Variants in PRR36 observed in about 807,000 individuals in gnomAD.
PRR36 encodes the protein proline-rich protein 36.
In PRR36, 30 loss-of-function variants were observed where a neutral mutation model predicts 58.6. The ratio of observed to expected loss-of-function variants is 0.51; its 90% confidence interval spans 0.38 to 0.69. PRR36 has a LOEUF of 0.69. PRR36 is among the 30% of genes least tolerant of loss of function. The pLI is 0.00. For missense variants in PRR36, 1,692 were observed against 1,805.6 expected, an observed-to-expected ratio of 0.94 and a Z score of 1.14; for synonymous variants, 771 against 829.3, an observed-to-expected ratio of 0.93 and a Z score of 1.21.
Position 7,869,281 on chromosome 19 carries a change from G to A in PRR36, c.3793C>T (p.Leu1265=), listed in dbSNP as rs1289513783. 1.4e-6 allele frequency: 2 copies of A among 1,458,014 alleles called. No homozygotes were observed. Among genetic ancestry groups the A allele is most frequent in the Admixed American group, 5.3e-5 (2 of 37,396 alleles). 90.3% of individuals were successfully genotyped at this position (1,458,014 alleles called of 1,614,324 possible). ...GCACCCTCGGCAGCCGCCAGCAGCAGCGTCCGGCTCAGCAGGTGCTGCACG... is the reference window on the plus strand; with the variant it reads ...GCACCCTCGGCAGCCGCCAGCAGCAACGTCCGGCTCAGCAGGTGCTGCACG... ...SVVQHLLSRT[L]LLAAAEGAAG... is the part of the protein sequence containing the mutation. Residue 1265 remains leucine, a synonymous_variant, in exon 6 of 6, where the codon CTG becomes TTG. Transcript: ENST00000618550.
chr19:7,870,635 G>T lies in PRR36; in HGVS notation c.2609C>A (p.Pro870His). 2 of 1,368,596 alleles carry T rather than the reference G, an allele frequency of 1.5e-6. No homozygotes were observed. Among genetic ancestry groups the T allele is most frequent in the Non-Finnish European group, 1.9e-6 (2 of 1,064,872 alleles). The allele number at this position is 1,368,596 out of a possible 1,614,324, so 84.8% of individuals were successfully genotyped here. A position where few individuals can be genotyped will look rare whatever the true frequency, so the allele number is the denominator to read the frequency against. The stretch of plus-strand genomic sequence containing the variant: ...CAGAGCATTTGGGGCCTGTGGAGAG[G>T]GTGTGGCCAAAGGAGACAGAGGGGG... ...ASPPLSPLAT[P>H]SPQAPNALAV... Residue 870 changes from proline (P) to histidine (H), a missense_variant, in exon 5 of 6, where the codon CCC (proline) becomes CAC (histidine). Coordinates refer to ENST00000618550, the MANE Select transcript of PRR36 (RefSeq NM_001190467.2).
In PRR36 at chr19:7,871,930, T is replaced by G; in HGVS notation, c.1314A>C (p.Gln438His). 1.3e-6 allele frequency: 2 copies of G among 1,534,848 alleles called. No homozygotes were observed. Residue 438 changes from glutamine (Q) to histidine (H), a missense_variant, in exon 5 of 6, where the codon CAA becomes CAC. Transcript: ENST00000618550. ...GAAGAGAGGGCAACGCTGGATTAGC[T>G]TGGGTGGGGGGCATACTCTGCAGAG... ...SSPLQSMPPTQANPALPSLPT... is the reference protein window; with the variant it reads ...SSPLQSMPPTHANPALPSLPT...
At position 7,869,824 on chromosome 19, in the gene PRR36, G is replaced by C. The variant is rs963681608; in HGVS notation, c.3420C>G (p.Pro1140=). 7.4e-7 allele frequency: 1 copy of C among 1,351,108 alleles called. No homozygotes were observed. The highest frequency in any genetic ancestry group is 9.4e-7 in the Non-Finnish European group (1 of 1,058,468). The allele number at this position is 1,351,108 out of a possible 1,614,324, so 83.7% of individuals were successfully genotyped here. ...GCGGGGAGGCTGCGGCACCGCCCTC[G>C]GGCCCGCTGTCGTAGCCACGCAGCT... ...PEELRGYDSG[P]EGGAAASPPP... Residue 1140 remains proline (P), a synonymous_variant, in exon 5 of 6, where the codon CCC becomes CCG. Transcript: ENST00000618550.
chr19:7,868,940 G>T lies in PRR36; in HGVS notation c.*93C>A, dbSNP rs1332293850. ...ACTAATCCACCCAGCGGGGCTCCAGGGCAGTGGAGGCGGGGTCTAAAACAA... is the reference window on the plus strand; with the variant it reads ...ACTAATCCACCCAGCGGGGCTCCAGTGCAGTGGAGGCGGGGTCTAAAACAA... On this transcript the variant is annotated 3_prime_UTR_variant, in exon 6 of 6. Transcript: ENST00000618550. The T allele has an allele frequency of 2.2e-6, 3 of 1,352,056 alleles. No homozygotes were observed. In the Admixed American group the frequency reaches 7.7e-5, roughly 35 times the overall value. 83.8% of individuals were successfully genotyped at this position (1,352,056 alleles called of 1,614,324 possible). A position where few individuals can be genotyped will look rare whatever the true frequency, so the allele number is the denominator to read the frequency against.
At position 7,870,092 on chromosome 19, in the gene PRR36, G is replaced by A; in HGVS notation, c.3152C>T (p.Pro1051Leu). Reference sequence around the variant, plus strand: ...CGCTGCCAGAACAGGTGGGGCCTGTGGAGGAGGCGTGGCCAAAGGAGACAT... The same window carrying A: ...CGCTGCCAGAACAGGTGGGGCCTGTAGAGGAGGCGTGGCCAAAGGAGACAT... ...LPMSPLATPP[P>L]QAPPVLAAPL... Residue 1051 changes from proline to leucine, a missense_variant, in exon 5 of 6, where the codon CCA becomes CTA. Physicochemically the swap from Pro to Leu is moderately conservative, Grantham distance 98 (BLOSUM62 -3). This residue lies in a region of PRR36 where 485 missense variants were observed against 549.2 expected (regional missense o/e 0.88). Transcript: ENST00000618550. 6.7e-7 allele frequency: 1 copy of A among 1,497,092 alleles called. No individual in the cohort carries two copies. Among genetic ancestry groups the A allele is most frequent in the Non-Finnish European group, 8.9e-7 (1 of 1,129,614 alleles). The allele number at this position is 1,497,092 out of a possible 1,614,324, so 92.7% of individuals were successfully genotyped here. A position where few individuals can be genotyped will look rare whatever the true frequency, so the allele number is the denominator to read the frequency against.
chr19:7,871,264 AAG>A lies in PRR36; in HGVS notation c.1978_1979del (p.Leu660PhefsTer345). Reference protein sequence around the residue: ...PPDSPPLQAPLSLPASPPLQT... With the variant: ...PPDSPPLQAPXSLPASPPLQT... ...GCAGAGGGGGTGAGGCAGGAAGGGA[AAG>A]AGGGGCCTGCAGAGGGGGTGAATCA... On this transcript the variant is annotated frameshift_variant, in exon 5 of 6. Transcript: ENST00000618550. LOFTEE classifies it high-confidence loss of function. 1 of 1,317,060 alleles carries A rather than the reference AAG, an allele frequency of 7.6e-7. No individual in the cohort carries two copies. Among genetic ancestry groups the A allele is most frequent in the Non-Finnish European group, 9.9e-7 (1 of 1,012,276 alleles). The allele number at this position is 1,317,060 out of a possible 1,614,324, so 81.6% of individuals were successfully genotyped here. A position where few individuals can be genotyped will look rare whatever the true frequency, so the allele number is the denominator to read the frequency against.
chr19:7,869,283 G>A lies in PRR36; in HGVS notation c.3791C>T (p.Thr1264Met). The change falls in exon 6 of 6, where the codon ACG becomes ATG. Residue 1264 changes from threonine (T) to methionine (M), a missense_variant. This residue lies in a region of PRR36 where 485 missense variants were observed against 549.2 expected (regional missense o/e 0.88). Transcript: ENST00000618550. ...ASVVQHLLSR[T>M]LLLAAAEGAA... ...ACCCTCGGCAGCCGCCAGCAGCAGC[G>A]TCCGGCTCAGCAGGTGCTGCACGAC... 7 of 1,456,576 alleles carry A rather than the reference G, an allele frequency of 4.8e-6. No homozygotes were observed. Among genetic ancestry groups the A allele is most frequent in the Non-Finnish European group, 5.4e-6 (6 of 1,115,948 alleles). The allele number at this position is 1,456,576 out of a possible 1,614,324, so 90.2% of individuals were successfully genotyped here.
In PRR36 at chr19:7,873,406, G is replaced by C; in HGVS notation, c.271+13C>G. On this transcript the variant is annotated intron_variant, in intron 2 of 5. Coordinates refer to ENST00000618550, the MANE Select transcript of PRR36 (RefSeq NM_001190467.2). This position sits in a 1 kb window ranked among gnomAD's most constrained non-coding sequence, Gnocchi z 5.0. ...GAAGATGGGGGCGGAGCTGAGGAAG[G>C]AGGCTGGGGTACCAGGGTTTCGGGA... 2 of 1,523,292 alleles carry C rather than the reference G, an allele frequency of 1.3e-6. No individual in the cohort carries two copies. Among genetic ancestry groups the C allele is most frequent in the Non-Finnish European group, 1.8e-6 (2 of 1,138,250 alleles). The allele number at this position is 1,523,292 out of a possible 1,614,324, so 94.4% of individuals were successfully genotyped here. A position where few individuals can be genotyped will look rare whatever the true frequency, so the allele number is the denominator to read the frequency against.
chr19:7,871,401 T>C lies in PRR36; in HGVS notation c.1843A>G (p.Thr615Ala). The change falls in exon 5 of 6, where the codon ACT becomes GCT. Residue 615 changes from threonine (T) to alanine (A), a missense_variant. Around this residue, in one of 5 missense-constraint regions of PRR36, gnomAD observed 975 missense variants for 955.2 expected, o/e 1.02. Coordinates refer to ENST00000618550, the MANE Select transcript of PRR36 (RefSeq NM_001190467.2). ...TGCAGAGTGGGTGAGCCCAAAGAAG[T>C]TGTGGCCTGCAGAGAGGACAAAGCC... ...PLALSSLQAT[T>A]SLGSPTLQAT... 6.5e-7 allele frequency: 1 copy of C among 1,533,956 alleles called. No individual in the cohort carries two copies.
chr19:7,872,817 C>T lies in PRR36; in HGVS notation c.487+32G>A, dbSNP rs1283324542. The T allele has an allele frequency of 6.5e-7, 1 of 1,531,970 alleles. No homozygotes were observed. Among genetic ancestry groups the T allele is most frequent in the Non-Finnish European group, 8.7e-7 (1 of 1,144,836 alleles). The allele number at this position is 1,531,970 out of a possible 1,614,324, so 94.9% of individuals were successfully genotyped here. A position where few individuals can be genotyped will look rare whatever the true frequency, so the allele number is the denominator to read the frequency against. On this transcript the variant is annotated intron_variant, in intron 4 of 5. Coordinates refer to ENST00000618550, the MANE Select transcript of PRR36 (RefSeq NM_001190467.2). The surrounding 1 kb of genome is among the most constrained non-coding windows in gnomAD (Gnocchi z 6.1). Reference sequence around the variant, plus strand: ...CCTCTGAGGCGGCTCCCCTTGCTGCCCAGGAACCCCACTCTTCTCCAGGTC... The same window carrying T: ...CCTCTGAGGCGGCTCCCCTTGCTGCTCAGGAACCCCACTCTTCTCCAGGTC...
In PRR36 at chr19:7,869,548, C is replaced by T. The variant is rs1358301580; in HGVS notation, c.3530-4G>A. The T allele has an allele frequency of 2.0e-6, 3 of 1,516,856 alleles. No homozygotes were observed. The highest frequency in any genetic ancestry group is 2.6e-6 in the Non-Finnish European group (3 of 1,138,550). 94.0% of individuals were successfully genotyped at this position (1,516,856 alleles called of 1,614,324 possible). ...GGAGGCCACGGCAGGGGCGCACCTG[C>T]GGGGAGAGACGCCAGGTGGGCCGTG... On this transcript the variant is annotated splice_polypyrimidine_tract_variant and splice_region_variant and intron_variant, in intron 5 of 5. Transcript: ENST00000618550.
In PRR36 at chr19:7,871,400, G is replaced by A. The variant is rs556675786; in HGVS notation, c.1844C>T (p.Thr615Ile). The A allele has an allele frequency of 6.5e-7, 1 of 1,535,806 alleles. No individual in the cohort carries two copies. ...CTGCAGAGTGGGTGAGCCCAAAGAA[G>A]TTGTGGCCTGCAGAGAGGACAAAGC... ...PLALSSLQAT[T>I]SLGSPTLQAT... The change falls in exon 5 of 6, where the codon ACT (threonine) becomes ATT (isoleucine). Residue 615 changes from threonine (T) to isoleucine (I), a missense_variant. Thr to Ile is a moderately conservative substitution (Grantham distance 89). Transcript: ENST00000618550.
At position 7,870,956 on chromosome 19, in the gene PRR36, A is replaced by C. The variant is rs1980403213; in HGVS notation, c.2288T>G (p.Leu763Arg). ...AGCTGTCTGCAGAGGAGGCGGGGCT[A>C]GAGAAGGTAGGTTCTCCAGAGGGGG... The part of the protein sequence containing the change: ...TTPPLENLPS[L>R]APPPLQTASA... The change falls in exon 5 of 6, where the codon CTA (leucine) becomes CGA (arginine). Residue 763 changes from leucine to arginine, a missense_variant. Leu to Arg is a moderately radical substitution (Grantham distance 102). Around this residue, in one of 5 missense-constraint regions of PRR36, gnomAD observed 38 missense variants for 100.7 expected, o/e 0.38. Transcript: ENST00000618550. 9 of 1,073,770 alleles carry C rather than the reference A, an allele frequency of 8.4e-6. No homozygotes were observed. Among genetic ancestry groups the C allele is most frequent in the South Asian group, 7.5e-5 (2 of 26,574 alleles). The allele number at this position is 1,073,770 out of a possible 1,614,324, so 66.5% of individuals were successfully genotyped here. A position where few individuals can be genotyped will look rare whatever the true frequency, so the allele number is the denominator to read the frequency against.
At position 7,872,760 on chromosome 19, in the gene PRR36, G is replaced by A; in HGVS notation, c.488-4C>T. Reference sequence around the variant, plus strand: ...CCTGGGGTAGGCCCGGAAGTGTCTGGAGAAAAAGTAGAAGGCCAAGGGTCA... The same window carrying A: ...CCTGGGGTAGGCCCGGAAGTGTCTGAAGAAAAAGTAGAAGGCCAAGGGTCA... On this transcript the variant is annotated splice_region_variant and splice_polypyrimidine_tract_variant and intron_variant, in intron 4 of 5. Coordinates refer to ENST00000618550, the MANE Select transcript of PRR36 (RefSeq NM_001190467.2). This position sits in a 1 kb window ranked among gnomAD's most constrained non-coding sequence, Gnocchi z 6.1. 1.4e-6 allele frequency: 2 copies of A among 1,474,948 alleles called. No individual in the cohort carries two copies. Among genetic ancestry groups the A allele is most frequent in the South Asian group, 2.6e-5 (2 of 75,600 alleles). The allele number at this position is 1,474,948 out of a possible 1,614,324, so 91.4% of individuals were successfully genotyped here.
chr19:7,869,580 A>G, intron 5 of PRR36, 36 bp from the exon 6 acceptor site: 1 of 1,509,436 alleles, frequency 6.6e-7, no homozygotes, highest in Non-Finnish European at 8.8e-7. Flanking sequence ...CGTGGGGGTG[A>G]TAAGCCCCGC....
In PRR36 at chr19:7,872,520, G is replaced by C; in HGVS notation, c.724C>G (p.Leu242Val). The change falls in exon 5 of 6, where the codon CTG (leucine) becomes GTG (valine). Residue 242 changes from leucine (L) to valine (V), a missense_variant. Physicochemically the swap from Leu to Val is conservative, Grantham distance 32. Coordinates refer to ENST00000618550, the MANE Select transcript of PRR36 (RefSeq NM_001190467.2). This position sits in a 1 kb window ranked among gnomAD's most constrained non-coding sequence, Gnocchi z 6.1. ...GAGAGAGGGGTGGCGCTGGAGCTCA[G>C]GGAGCGCGAGGCCGGCCTCTGGAGA... ...GGLQRPASRSLSSSATPLSSP... is the reference protein window; with the variant it reads ...GGLQRPASRSVSSSATPLSSP... 6.6e-7 allele frequency: 1 copy of C among 1,506,796 alleles called. No individual in the cohort carries two copies. Among genetic ancestry groups the C allele is most frequent in the Non-Finnish European group, 8.8e-7 (1 of 1,134,846 alleles). The allele number at this position is 1,506,796 out of a possible 1,614,324, so 93.3% of individuals were successfully genotyped here. A position where few individuals can be genotyped will look rare whatever the true frequency, so the allele number is the denominator to read the frequency against.
In PRR36 at chr19:7,871,737, G is replaced by A; in HGVS notation, c.1507C>T (p.Pro503Ser). The change falls in exon 5 of 6, where the codon CCG (proline) becomes TCG (serine). Residue 503 changes from proline to serine, a missense_variant. Physicochemically the swap from Pro to Ser is moderately conservative, Grantham distance 74. This residue lies in a region of PRR36 where 975 missense variants were observed against 955.2 expected (regional missense o/e 1.02). Transcript: ENST00000618550. ...GTGGCCTGGAGAGAGGGCGGAGACG[G>A]GGAAGGACTGGCCTGCGGAGGGGGC... ...TTPPPQASPS[P>S]SPPSLQATPH... is the part of the protein sequence containing the mutation. The A allele has an allele frequency of 6.5e-7, 1 of 1,535,978 alleles. No homozygotes were observed. The highest frequency in any genetic ancestry group is 8.7e-7 in the Non-Finnish European group (1 of 1,146,860).
chr19:7,874,004 C>T lies in PRR36; in HGVS notation c.-8+282G>A, dbSNP rs1239896182. Reference sequence around the variant, plus strand: ...CCGATCTCCACGCCCCTGCCCCTTGCCCCTTCAGGGACTCAGACCGCCAGC... The same window carrying T: ...CCGATCTCCACGCCCCTGCCCCTTGTCCCTTCAGGGACTCAGACCGCCAGC... On this transcript the variant is annotated intron_variant, in intron 1 of 5. Coordinates refer to ENST00000618550, the MANE Select transcript of PRR36 (RefSeq NM_001190467.2). This position sits in a 1 kb window ranked among gnomAD's most constrained non-coding sequence, Gnocchi z 6.0. Among the ~76,000 whole-genome samples, 3 of 151,882 alleles carry T rather than the reference C, an allele frequency of 2.0e-5. No individual in the cohort carries two copies. The highest frequency in any genetic ancestry group is 4.4e-5 in the Non-Finnish European group (3 of 67,958).
At position 7,872,155 on chromosome 19, in the gene PRR36, G is replaced by C; in HGVS notation, c.1089C>G (p.Thr363=). The C allele has an allele frequency of 6.8e-7, 1 of 1,481,142 alleles. No individual in the cohort carries two copies. Among genetic ancestry groups the C allele is most frequent in the Non-Finnish European group, 8.9e-7 (1 of 1,119,612 alleles). 91.7% of individuals were successfully genotyped at this position (1,481,142 alleles called of 1,614,324 possible). The stretch of plus-strand genomic sequence containing the variant: ...GAGGAAGGGGCGTGGCCAACTGACA[G>C]GTAAGGCTCGACGAGTGGGGCGTGG... The part of the protein sequence containing the change: ...LPATPHSSSL[T]CQLATPLPLA... The change falls in exon 5 of 6, where the codon ACC becomes ACG. Residue 363 remains threonine, a synonymous_variant. Transcript: ENST00000618550. This position sits in a 1 kb window ranked among gnomAD's most constrained non-coding sequence, Gnocchi z 6.1.
Sources: allele counts gnomAD v4.1 joint callset (sites outside exome capture counted in the v4.1 genomes callset), GRCh38; gene constraint gnomAD v4.1.1; regional missense constraint gnomAD v4.1.1; non-coding constraint Gnocchi (gnomAD v3.1); transcripts MANE v1.5; gene names NCBI Gene and HGNC (gene_info 2026-07-23, HGNC 2026-07-21).